The following TGS1 variants were observed in gnomAD, a reference collection of about 807,000 sequenced individuals.
TGS1 encodes the protein trimethylguanosine synthase.
In TGS1, 69 loss-of-function variants were observed where a neutral mutation model predicts 92.2. The ratio of observed to expected loss-of-function variants is 0.75; its 90% confidence interval spans 0.62 to 0.91. The LOEUF is 0.91. Among genes scored for constraint, TGS1 ranks in the 40% least tolerant of loss-of-function variants. The probability of loss-of-function intolerance (pLI) is 0.00; values close to 1 mark genes in which losing one functional copy is unlikely to be tolerated. For synonymous variants in TGS1, 345 were observed against 338.1 expected (o/e 1.02, Z -0.22); for missense variants, 1,062 against 1,001.2 (o/e 1.06, Z -0.82).
rs1585802791 is a variant in TGS1, at chr8:55,825,642, A to G, written c.*939A>G. On this transcript the variant is annotated 3_prime_UTR_variant, in exon 13 of 13. Transcript: ENST00000260129. ...GGATAAGATTAGAGAATTGAAACAA[A>G]TTTGGGGAATTTCCAATAAATACTA... 6.6e-6 allele frequency among the ~76,000 whole-genome samples: 1 copy of G among 152,320 alleles called. No individual in the cohort carries two copies. The highest frequency in any genetic ancestry group is 6.5e-5 in the Admixed American group (1 of 15,296).
At position 55,786,919 on chromosome 8, in the gene TGS1, A is replaced by C. The variant is rs764587945; in HGVS notation, c.1021A>C (p.Ser341Arg). The C allele has an allele frequency of 6.8e-6, 11 of 1,614,196 alleles. No individual in the cohort carries two copies. Among genetic ancestry groups the C allele is most frequent in the Non-Finnish European group, 9.3e-6 (11 of 1,180,016 alleles). ...VTQSQLDSCT[S>R]HDGHQQLSEV... ...ACAGAGCCAATTAGATTCCTGTACAAGTCATGATGGTCATCAACAGCTAAG... is the reference window on the plus strand; with the variant it reads ...ACAGAGCCAATTAGATTCCTGTACACGTCATGATGGTCATCAACAGCTAAG... The change falls in exon 4 of 13, where the codon AGT becomes CGT. Residue 341 changes from serine (S) to arginine (R), a missense_variant. Coordinates refer to ENST00000260129, the MANE Select transcript of TGS1 (RefSeq NM_024831.8).
At chr8:55,818,396 T>G (rs1803542705) in intron 12 of TGS1, among the ~76,000 whole-genome samples, 1 of 152,168 alleles carries the variant, frequency 6.6e-6, no homozygotes, top group Non-Finnish European at 1.5e-5. Flanking sequence ...ATTCTTCACC[T>G]CAGCATCCCA....
chr8:55,792,684 TTTTC>T lies in TGS1; in HGVS notation c.1281-10_1281-7del, dbSNP rs749295235. 1 of 1,603,280 alleles carries T rather than the reference TTTTC, an allele frequency of 6.2e-7. No individual in the cohort carries two copies. Among genetic ancestry groups the T allele is most frequent in the South Asian group, 1.1e-5 (1 of 90,814 alleles). ...TGGTAATGGCTTATCACTGTTTACC[TTTTC>T]TTTATTTAGCCATGAACTGGACATT... On this transcript the variant is annotated splice_polypyrimidine_tract_variant and intron_variant, in intron 5 of 12. Coordinates refer to ENST00000260129, the MANE Select transcript of TGS1 (RefSeq NM_024831.8).
intron 12 of TGS1, among the ~76,000 whole-genome samples, chr8:55,816,772 C>T (rs1803488334): frequency 6.6e-6 from 1 of 151,934 alleles, no homozygotes; most frequent in South Asian, 2.1e-4. Context: ...CCTCATAAAG[C>T]GGAGAAGTTT....
chr8:55,787,816 T>TG (rs1811761012), intron 4 of TGS1, among the ~76,000 whole-genome samples: 2 of 152,224 alleles, frequency 1.3e-5, no homozygotes, highest in Non-Finnish European at 2.9e-5. Context: ...CATCAACTCC[T>TG]GGTGAGGGCC....
At chr8:55,775,866 A>G (rs1453437034) in intron 1 of TGS1, among the ~76,000 whole-genome samples, 1 of 152,170 alleles carries the variant, frequency 6.6e-6, no homozygotes, top group African/African-American at 2.4e-5. Flanking sequence ...AGATGGATTA[A>G]CTAGGAAACA....
Position 55,796,062 on chromosome 8 carries a change from G to T in TGS1, c.1452G>T (p.Met484Ile), listed in dbSNP as rs769382600. 5.0e-6 allele frequency: 8 copies of T among 1,612,968 alleles called. No homozygotes were observed. In the Admixed American group the frequency reaches 8.3e-5, roughly 17 times the overall value. Residue 484 changes from methionine to isoleucine, a missense_variant, in exon 7 of 13, where the codon ATG becomes ATT. Coordinates refer to ENST00000260129, the MANE Select transcript of TGS1 (RefSeq NM_024831.8). Reference sequence around the variant, plus strand: ...AGCTTAAGTCTAAGTACCTAGACATGCGCAGACAAATAAAGATGAAAAACA... The same window carrying T: ...AGCTTAAGTCTAAGTACCTAGACATTCGCAGACAAATAAAGATGAAAAACA... ...NVKLKSKYLD[M>I]RRQIKMKNKH...
intron 8 of TGS1, among the ~76,000 whole-genome samples, chr8:55,801,406 G>C (rs968216737): frequency 6.6e-6 from 1 of 151,284 alleles, no homozygotes; most frequent in Non-Finnish European, 1.5e-5. Context: ...GAGTAGCTGG[G>C]ATTAGAGGCA....
chr8:55,823,291 G>C (rs1013377067), intron 12 of TGS1, among the ~76,000 whole-genome samples: 1 of 152,212 alleles, frequency 6.6e-6, no homozygotes, highest in Non-Finnish European at 1.5e-5. Flanking sequence ...CAAGGTGAGT[G>C]CAAGCATTAC....
intron 12 of TGS1, among the ~76,000 whole-genome samples, chr8:55,813,659 G>GT (rs1585791143): frequency 1.3e-5 from 2 of 152,178 alleles, no homozygotes; most frequent in South Asian, 4.1e-4. Flanking sequence ...GTATTCTGAT[G>GT]TTTTTTGTGT....
At chr8:55,808,557 G>T (rs1803247864) in intron 10 of TGS1, among the ~76,000 whole-genome samples, 1 of 145,098 alleles carries the variant, frequency 6.9e-6, no homozygotes, top group African/African-American at 2.6e-5. Context: ...CGCCCAGGTT[G>T]GAGTGCAGTG....
intron 1 of TGS1, among the ~76,000 whole-genome samples, chr8:55,774,708 A>G (rs11777822): frequency 0.84 from 127,795 of 152,124 alleles, 54,056 homozygotes; most frequent in East Asian, 0.99. Context: ...GAGAAGATCA[A>G]TATTAAGATA....
At position 55,802,474 on chromosome 8, in the gene TGS1, A is replaced by G; in HGVS notation, c.1867A>G (p.Lys623Glu). The G allele has an allele frequency of 1.2e-6, 2 of 1,613,548 alleles. No individual in the cohort carries two copies. The highest frequency in any genetic ancestry group is 1.7e-6 in the Non-Finnish European group (2 of 1,179,792). Residue 623 changes from lysine (K) to glutamate (E), a missense_variant, in exon 9 of 13, where the codon AAG (lysine) becomes GAG (glutamate). Lys to Glu is a moderately conservative substitution (Grantham distance 56). Transcript: ENST00000260129. ...TATTTTAGCTGAAGTGAAAAAGAAG[A>G]AGAACAAGAAGAAGAACAAAAAGGT... ...AETEAEVKKK[K>E]NKKKNKKVNG...
rs1419486813 is a variant in TGS1 at position 55,799,221 on chromosome 8, G to C, written c.1849+1G>C. Reference sequence around the variant, plus strand: ...GACTCCCGCCAGGCAGAAACTGAAGGTAACACTAAATATGCTTCAACTTGC... The same window carrying C: ...GACTCCCGCCAGGCAGAAACTGAAGCTAACACTAAATATGCTTCAACTTGC... On this transcript the variant is annotated splice_donor_variant, in intron 8 of 12. Transcript: ENST00000260129. LOFTEE classifies it high-confidence loss of function. 6.2e-7 allele frequency: 1 copy of C among 1,601,240 alleles called. No individual in the cohort carries two copies. Among genetic ancestry groups the C allele is most frequent in the South Asian group, 1.1e-5 (1 of 88,552 alleles).
chr8:55,783,662 A>G lies in TGS1; in HGVS notation c.166+850A>G, dbSNP rs1449818732. ...CCCTACTGCATTTGTCCTTCCACATAGACCTTTTGTGTTCCTAGACACAGA... is the reference window on the plus strand; with the variant it reads ...CCCTACTGCATTTGTCCTTCCACATGGACCTTTTGTGTTCCTAGACACAGA... On this transcript the variant is annotated intron_variant, in intron 2 of 12. Transcript: ENST00000260129. Among the ~76,000 whole-genome samples the G allele has an allele frequency of 2.6e-5, 4 of 152,172 alleles. No individual in the cohort carries two copies. The East Asian group carries it at 5.8e-4, about 22-fold the overall frequency.
At chr8:55,806,566 T>C (rs988134474) in intron 10 of TGS1, among the ~76,000 whole-genome samples, 1 of 152,126 alleles carries the variant, frequency 6.6e-6, no homozygotes, top group African/African-American at 2.4e-5. Context: ...AGGTCAACAG[T>C]AGGCTATTAA....
Position 55,802,522 on chromosome 8 carries a change from G to T in TGS1, c.1915G>T (p.Ala639Ser). 6.2e-7 allele frequency: 1 copy of T among 1,614,092 alleles called. No homozygotes were observed. Among genetic ancestry groups the T allele is most frequent in the Non-Finnish European group, 8.5e-7 (1 of 1,179,970 alleles). ...KKVNGLPPEI[A>S]AVPELAKYWA... ...GGTGAATGGTCTGCCTCCTGAAATA[G>T]CTGCTGTTCCTGAGCTGGCAAAATA... is the stretch of plus-strand genomic sequence containing the variant. Residue 639 changes from alanine to serine, a missense_variant, in exon 9 of 13, where the codon GCT becomes TCT. Ala to Ser is a moderately conservative substitution (Grantham distance 99). Coordinates refer to ENST00000260129, the MANE Select transcript of TGS1 (RefSeq NM_024831.8).
intron 12 of TGS1, among the ~76,000 whole-genome samples, chr8:55,824,123 AAAATAAAT>A (rs890104524): frequency 6.6e-6 from 1 of 152,184 alleles, no homozygotes; most frequent in African/African-American, 2.4e-5. Context: ...CTCAAAAAAC[AAAATAAAT>A]AAATAAATAA....
At position 55,804,971 on chromosome 8, in the gene TGS1, T is replaced by C. The variant is rs770829342; in HGVS notation, c.2078T>C (p.Val693Ala). 2.0e-5 allele frequency: 32 copies of C among 1,614,006 alleles called. No individual in the cohort carries two copies. The highest frequency in any genetic ancestry group is 2.0e-5 in the Non-Finnish European group (24 of 1,180,000). Reference sequence around the variant, plus strand: ...GTTAGTCAGTCCTTCAAGTGTGACGTTGTAGTAGACGCATTCTGTGGAGTT... The same window carrying C: ...GTTAGTCAGTCCTTCAAGTGTGACGCTGTAGTAGACGCATTCTGTGGAGTT... Reference protein sequence around the residue: ...GRVSQSFKCDVVVDAFCGVGG... With the variant: ...GRVSQSFKCDAVVDAFCGVGG... Residue 693 changes from valine (V) to alanine (A), a missense_variant, in exon 10 of 13, where the codon GTT (valine) becomes GCT (alanine). Val to Ala is a moderately conservative substitution (Grantham distance 64). Transcript: ENST00000260129.
Sources: gnomAD v4.1 joint callset for allele counts (sites outside exome capture counted in the v4.1 genomes callset) on GRCh38, gnomAD v4.1.1 for gene constraint, MANE v1.5 for transcripts, NCBI Gene and HGNC (gene_info 2026-07-23, HGNC 2026-07-21) for gene names.